The following AP2B1 variants were observed in gnomAD, a reference collection of about 807,000 sequenced individuals.
AP2B1 encodes adaptor related protein complex 2 subunit beta 1.
AP2B1 carries 23 observed loss-of-function variants against 102.0 expected under a neutral mutation model. The ratio of observed to expected loss-of-function variants is 0.23; its 90% CI spans 0.16 to 0.32. The LOEUF is 0.32. Among genes scored for constraint, AP2B1 ranks in the 10% least tolerant of loss-of-function variants. The probability of loss-of-function intolerance (pLI) is 1.00; values close to 1 mark genes in which losing one functional copy is unlikely to be tolerated. For missense variants in AP2B1, 541 were observed against 1,157.4 expected, an observed-to-expected ratio of 0.47 and a Z score of 7.73; for synonymous variants, 381 against 421.2, an observed-to-expected ratio of 0.90 and a Z score of 1.17.
intron 10 of AP2B1, among the ~76,000 whole-genome samples, chr17:35,637,034 C>T (rs899307264): frequency 6.6e-6 from 1 of 152,160 alleles, no homozygotes; most frequent in African/African-American, 2.4e-5. Context: ...ATTTTTACTT[C>T]ACAAGTTTTT....
At chr17:35,710,429 G>A in intron 20 of AP2B1, 109 bp downstream of exon 20, 2 of 725,688 alleles carry the variant, frequency 2.8e-6, no homozygotes, top group Non-Finnish European at 4.6e-6. Context: ...TATCTACTAT[G>A]TTTCTAGTGG....
At position 35,670,906 on chromosome 17, in the gene AP2B1, C is replaced by T. The variant is rs1391963113; in HGVS notation, c.2031+8C>T. ...ATTGGAGGAAGTCCGGCAGTAAGTG[C>T]CATCTGTTTTTTTCACCATGAGAAG... On this transcript the variant is annotated splice_region_variant and intron_variant, in intron 15 of 21. Transcript: ENST00000610402. The T allele has an allele frequency of 7.4e-6, 12 of 1,613,742 alleles. No individual in the cohort carries two copies. Among genetic ancestry groups the T allele is most frequent in the Admixed American group, 1.7e-5 (1 of 59,974 alleles).
At chr17:35,594,800 T>C (rs1443693176) in intron 2 of AP2B1, among the ~76,000 whole-genome samples, 1 of 152,238 alleles carries the variant, frequency 6.6e-6, no homozygotes, top group Non-Finnish European at 1.5e-5. Context: ...TGCTTGTTTT[T>C]ACCTATGAGT....
intron 17 of AP2B1, among the ~76,000 whole-genome samples, chr17:35,676,084 A>G (rs140682370): frequency 3.9e-5 from 6 of 152,292 alleles, no homozygotes; most frequent in Admixed American, 6.5e-5. Flanking sequence ...TGTAGAAGAA[A>G]TTAAGTCTTT....
chr17:35,613,285 T>C (rs896931963), intron 5 of AP2B1, among the ~76,000 whole-genome samples: 2 of 150,942 alleles, frequency 1.3e-5, no homozygotes, highest in African/African-American at 4.9e-5. Flanking sequence ...TTTGAAATCT[T>C]CTAATATGAG....
intron 2 of AP2B1, among the ~76,000 whole-genome samples, chr17:35,597,948 A>G (rs190516786): frequency 1.1e-3 from 167 of 152,298 alleles, no homozygotes; most frequent in Non-Finnish European, 2.1e-3. Context: ...CATTGTAGCT[A>G]GATATAATGA....
intron 1 of AP2B1, among the ~76,000 whole-genome samples, chr17:35,589,752 C>G (rs1597946069): frequency 6.6e-6 from 1 of 152,284 alleles, no homozygotes; most frequent in Non-Finnish European, 1.5e-5. Context: ...CTGGTTTGAT[C>G]TGGTAGAAAG....
intron 13 of AP2B1, among the ~76,000 whole-genome samples, chr17:35,653,856 T>G (rs1341455394): frequency 6.6e-6 from 1 of 152,070 alleles, no homozygotes. Flanking sequence ...CCCAGCCCAG[T>G]CCCTTGTTGC....
Position 35,624,568 on chromosome 17 carries a change from G to A in AP2B1, c.697G>A (p.Asp233Asn). 6.2e-7 allele frequency: 1 copy of A among 1,613,116 alleles called. No homozygotes were observed. Among genetic ancestry groups the A allele is most frequent in the Admixed American group, 1.7e-5 (1 of 59,772 alleles). The change falls in exon 6 of 22, where the codon GAT becomes AAT. Residue 233 changes from aspartate (D) to asparagine (N), a missense_variant. Physicochemically the swap from Asp to Asn is conservative, Grantham distance 23. This residue lies in a region of AP2B1 where 134 missense variants were observed against 250.2 expected (regional missense o/e 0.54). Coordinates refer to ENST00000610402, the MANE Select transcript of AP2B1 (RefSeq NM_001030006.2). The stretch of plus-strand genomic sequence containing the variant: ...CTGCCTGTCTAATTACAACCCTAAA[G>A]ATGATCGGGAGGCTCAGAGGTCAGT... ...LDCLSNYNPK[D>N]DREAQSICER...
At chr17:35,594,170 T>A in intron 2 of AP2B1, 103 bp downstream of exon 2, 3 of 664,844 alleles carry the variant, frequency 4.5e-6, no homozygotes, top group Non-Finnish European at 7.6e-6. Context: ...GACATACATG[T>A]AGCTGACAAT....
chr17:35,697,560 A>T lies in AP2B1; in HGVS notation c.2455-11664A>T, dbSNP rs1392434098. ...CTCAGGGAAAACCGAAATCATTTAG[A>T]TGCCCGACAGGAAATGGTGCTGAGC... On this transcript the variant is annotated intron_variant, in intron 18 of 21. Coordinates refer to ENST00000610402, the MANE Select transcript of AP2B1 (RefSeq NM_001030006.2). Among the ~76,000 whole-genome samples, 6 of 152,334 alleles carry T rather than the reference A, an allele frequency of 3.9e-5. No homozygotes were observed. In the South Asian group the frequency reaches 8.3e-4, roughly 21 times the overall value.
chr17:35,640,218 GT>G (rs2074732150), intron 11 of AP2B1, among the ~76,000 whole-genome samples: 1 of 138,146 alleles, frequency 7.2e-6, no homozygotes, highest in South Asian at 2.4e-4. Context: ...TGCCTGGCCA[GT>G]TTTACTGATT....
rs12943224 is a variant in AP2B1, at chr17:35,650,519, C to A, written c.1537-11C>A. On this transcript the variant is annotated splice_polypyrimidine_tract_variant and intron_variant, in intron 12 of 21. Coordinates refer to ENST00000610402, the MANE Select transcript of AP2B1 (RefSeq NM_001030006.2). Reference sequence around the variant, plus strand: ...TTCATCTCCACCTCCTTGCCTTTGCCTTTTCTTTAGGATTCTGATAATCCT... The same window carrying A: ...TTCATCTCCACCTCCTTGCCTTTGCATTTTCTTTAGGATTCTGATAATCCT... 1 of 1,612,046 alleles carries A rather than the reference C, an allele frequency of 6.2e-7. No homozygotes were observed.
At chr17:35,618,553 G>C (rs943175521) in intron 5 of AP2B1, among the ~76,000 whole-genome samples, 1 of 152,192 alleles carries the variant, frequency 6.6e-6, no homozygotes, top group African/African-American at 2.4e-5. Flanking sequence ...GAACTGGAAA[G>C]TGGTAAGTTT....
At chr17:35,619,812 T>A (rs1019696709) in intron 5 of AP2B1, among the ~76,000 whole-genome samples, 5 of 151,980 alleles carry the variant, frequency 3.3e-5, no homozygotes, top group Non-Finnish European at 7.4e-5. Context: ...GGAGACAGAG[T>A]CTCATTCTGT....
At chr17:35,661,149 T>A (rs1237505010) in intron 14 of AP2B1, among the ~76,000 whole-genome samples, 2 of 152,116 alleles carry the variant, frequency 1.3e-5, no homozygotes, top group Non-Finnish European at 2.9e-5. Context: ...TGGTTCCTGA[T>A]GACCATATGG....
At chr17:35,589,023 C>T (rs1209174515) in intron 1 of AP2B1, among the ~76,000 whole-genome samples, 1 of 152,080 alleles carries the variant, frequency 6.6e-6, no homozygotes, top group Non-Finnish European at 1.5e-5. Context: ...TTCCTTCTAG[C>T]CTTAGGTTTT....
At chr17:35,713,473 T>TC (rs1413504805) in intron 20 of AP2B1, among the ~76,000 whole-genome samples, 2 of 152,214 alleles carry the variant, frequency 1.3e-5, no homozygotes, top group African/African-American at 4.8e-5. Flanking sequence ...CCTTCCAGTC[T>TC]CGAGGGCTCT....
At chr17:35,661,566 C>T (rs2075359125) in intron 14 of AP2B1, among the ~76,000 whole-genome samples, 1 of 152,154 alleles carries the variant, frequency 6.6e-6, no homozygotes, top group African/African-American at 2.4e-5. Flanking sequence ...TGAGGTTATC[C>T]ATCGTGTCAG....
Sources: gnomAD v4.1 joint callset for allele counts (sites outside exome capture counted in the v4.1 genomes callset) on GRCh38, gnomAD v4.1.1 for gene constraint, gnomAD v4.1.1 regional missense constraint, MANE v1.5 for transcripts, NCBI Gene and HGNC (gene_info 2026-07-23, HGNC 2026-07-21) for gene names.